The following ZNF207 variants were observed in gnomAD, a reference collection of about 807,000 sequenced individuals.
ZNF207 encodes BUB3-interacting and GLEBS motif-containing protein ZNF207.
A neutral mutation model predicts 60.2 loss-of-function variants in ZNF207; 24 were observed. The observed-to-expected ratio is 0.40, with a 90% CI of 0.29 to 0.56. The LOEUF (loss-of-function observed/expected upper bound fraction) is 0.56. ZNF207 is among the 20% of genes least tolerant of loss of function. The pLI is 0.49. For synonymous variants in ZNF207, 236 were observed against 194.7 expected, an observed-to-expected ratio of 1.21 and a Z score of -1.77; for missense variants, 452 against 636.6, an observed-to-expected ratio of 0.71 and a Z score of 3.12.
chr17:32,355,855 T>C (rs564370301), intron 2 of ZNF207, among the ~76,000 whole-genome samples: 2 of 152,298 alleles, frequency 1.3e-5, no homozygotes, highest in South Asian at 2.1e-4. Context: ...ACTGGGTTAA[T>C]AAGGTCATTG....
At chr17:32,358,152 A>T (rs1258489699) in intron 2 of ZNF207, among the ~76,000 whole-genome samples, 1 of 152,200 alleles carries the variant, frequency 6.6e-6, no homozygotes, top group African/African-American at 2.4e-5. Flanking sequence ...CCTGATTTGG[A>T]TAGGACTACT....
chr17:32,351,152 A>G (rs185344541), intron 1 of ZNF207: 1 of 159,370 alleles, frequency 6.3e-6, no homozygotes, highest in East Asian at 1.9e-4. Flanking sequence ...GAATTTTGTA[A>G]TGTGATTTTA....
intron 6 of ZNF207, among the ~76,000 whole-genome samples, chr17:32,362,366 T>G (rs1308886494): frequency 2.0e-5 from 3 of 152,174 alleles, no homozygotes; most frequent in African/African-American, 7.2e-5. Flanking sequence ...GTCTCACTTT[T>G]TGCCCAGCCT....
At chr17:32,355,228 C>T (rs1904436995) in intron 2 of ZNF207, among the ~76,000 whole-genome samples, 1 of 152,090 alleles carries the variant, frequency 6.6e-6, no homozygotes, top group African/African-American at 2.4e-5. Context: ...GACCCTGTCT[C>T]TACAAAAAAT....
chr17:32,361,642 A>G, intron 6 of ZNF207, 127 bp downstream of exon 6: 1 of 782,694 alleles, frequency 1.3e-6, no homozygotes, highest in Non-Finnish European at 1.9e-6. Context: ...AAAACTTGCA[A>G]GCTAATTAAC....
chr17:32,357,321 ATTATTATT>A (rs1567815452), intron 2 of ZNF207, among the ~76,000 whole-genome samples: 7 of 50,596 alleles, frequency 1.4e-4, no homozygotes, highest in African/African-American at 1.0e-3. Flanking sequence ...AATTATTATT[ATTATTATT>A]ATTATTATTA....
At position 32,351,915 on chromosome 17, in the gene ZNF207, A is replaced by G. The variant is rs375867936; in HGVS notation, c.168+3A>G. 6.5e-7 allele frequency: 1 copy of G among 1,542,530 alleles called. No individual in the cohort carries two copies. Among genetic ancestry groups the G allele is most frequent in the Non-Finnish European group, 8.7e-7 (1 of 1,142,910 alleles). ...GCTTAGCTATTCATTGCATGCAGGT[A>G]AGGATTTTTCTTCTGTATTTATTGT... is the stretch of plus-strand genomic sequence containing the variant. On this transcript the variant is annotated splice_donor_region_variant and intron_variant, in intron 2 of 11. Coordinates refer to ENST00000394670, the MANE Select transcript of ZNF207 (RefSeq NM_001098507.2).
chr17:32,364,158 C>T (rs543712935), intron 7 of ZNF207, among the ~76,000 whole-genome samples: 1 of 151,512 alleles, frequency 6.6e-6, no homozygotes, highest in African/African-American at 2.4e-5. Flanking sequence ...GAGTGAGCCT[C>T]AGCACCTGGC....
Position 32,379,465 on chromosome 17 carries a change from T to C in ZNF207, c.*9706T>C, listed in dbSNP as rs1274905794. ...CATAAATTATTTCATTTTGGTGAGA[T>C]GGAATAAATGTTTAAAATTAGTATT... On this transcript the variant is annotated 3_prime_UTR_variant, in exon 12 of 12. Transcript: ENST00000394670. 2.0e-5 allele frequency: 3 copies of C among 152,260 alleles called. No homozygotes were observed. In the East Asian group the frequency reaches 5.8e-4, roughly 29 times the overall value. The allele number at this position is 152,260 out of a possible 1,614,324, so 9.4% of individuals were successfully genotyped here.
chr17:32,368,246 A>T lies in ZNF207; in HGVS notation c.1164+232A>T. ...TCTCCCCTTCCTCCAGACTGTTTCT[A>T]AAAGAAGACAGTAAGTCAGGTTCTT... On this transcript the variant is annotated intron_variant, in intron 10 of 11. Transcript: ENST00000394670. The T allele has an allele frequency of 8.9e-6, 5 of 558,874 alleles. 1 individual carries two copies. The highest frequency in any genetic ancestry group is 9.7e-4 in the Middle Eastern group (2 of 2,060). The allele number at this position is 558,874 out of a possible 1,614,324, so 34.6% of individuals were successfully genotyped here.
In ZNF207 at chr17:32,380,386, G is replaced by GT. The variant is rs926154874; in HGVS notation, c.*10634dup. The GT allele has an allele frequency of 2.6e-5, 4 of 152,052 alleles. No homozygotes were observed. Among genetic ancestry groups the GT allele is most frequent in the Non-Finnish European group, 5.9e-5 (4 of 67,994 alleles). The allele number at this position is 152,052 out of a possible 1,614,324, so 9.4% of individuals were successfully genotyped here. A position where few individuals can be genotyped will look rare whatever the true frequency, so the allele number is the denominator to read the frequency against. The stretch of plus-strand genomic sequence containing the variant: ...GGAACATACCTTACTCCTTTGTCTG[G>GT]TTTTTTTATTTTGTATGGTGCTTTA... On this transcript the variant is annotated 3_prime_UTR_variant, in exon 12 of 12. Transcript: ENST00000394670.
rs755275697 is a variant in ZNF207 at position 32,369,317 on chromosome 17, C to G, written c.1187C>G (p.Pro396Arg). The change falls in exon 11 of 12, where the codon CCT (proline) becomes CGT (arginine). Residue 396 changes from proline (P) to arginine (R), a missense_variant. By Grantham distance (103) the Pro-to-Arg change is moderately radical. This residue lies in a region of ZNF207 where 390 missense variants were observed against 461.4 expected (regional missense o/e 0.85). Transcript: ENST00000394670. ...CAGGAAGAGAGAAGGGCACAGTTAC[C>G]TAAGTATCAACGTAATCTTCCTCGG... ...ISLEERRAQL[P>R]KYQRNLPRPG... 4 of 1,614,000 alleles carry G rather than the reference C, an allele frequency of 2.5e-6. No homozygotes were observed. The highest frequency in any genetic ancestry group is 1.7e-5 in the Admixed American group (1 of 60,010).
At chr17:32,351,204 G>GT (rs2041500429) in intron 1 of ZNF207, 1 of 170,224 alleles carries the variant, frequency 5.9e-6, no homozygotes, top group Non-Finnish European at 1.3e-5. Context: ...TTTTATTGAT[G>GT]TAAGAATTCT....
chr17:32,381,522 GTATA>G lies in ZNF207; in HGVS notation c.*11769_*11772del, dbSNP rs1268279038. 6.6e-6 allele frequency: 1 copy of G among 152,212 alleles called. No homozygotes were observed. The highest frequency in any genetic ancestry group is 2.4e-5 in the African/African-American group (1 of 41,464). 9.4% of individuals were successfully genotyped at this position (152,212 alleles called of 1,614,324 possible). ...AAAAATGAAATGGAAGACTACATTT[GTATA>G]TATATCTGTATAATTTTTGTTTACT... is the stretch of plus-strand genomic sequence containing the variant. On this transcript the variant is annotated 3_prime_UTR_variant, in exon 12 of 12. Transcript: ENST00000394670.
rs931251257 is a variant in ZNF207 at position 32,368,128 on chromosome 17, GCTCA to G, written c.1164+117_1164+120del. ...CAGATGGTCTGTGATCTGGTTTAAT[GCTCA>G]CTAAGTGGTTTTTGCCATTCTGATT... On this transcript the variant is annotated intron_variant, in intron 10 of 11. Transcript: ENST00000394670. 145 of 1,437,030 alleles carry G rather than the reference GCTCA, an allele frequency of 1.0e-4. 1 individual carries two copies. In the Middle Eastern group the frequency reaches 1.1e-3, roughly 11 times the overall value. The allele number at this position is 1,437,030 out of a possible 1,614,324, so 89.0% of individuals were successfully genotyped here.
At chr17:32,352,440 A>G (rs1221759130) in intron 2 of ZNF207, among the ~76,000 whole-genome samples, 1 of 152,154 alleles carries the variant, frequency 6.6e-6, no homozygotes, top group Non-Finnish European at 1.5e-5. Context: ...GAGGGTTTGT[A>G]TTTGTATTTA....
chr17:32,351,576 T>C (rs2041508225), intron 1 of ZNF207: 7 of 1,533,800 alleles, frequency 4.6e-6, no homozygotes, highest in Non-Finnish European at 6.1e-6. Flanking sequence ...TTTTTTGGGG[T>C]GGTGAAGAGA....
chr17:32,373,580 T>C lies in ZNF207; in HGVS notation c.*3821T>C. The C allele has an allele frequency of 2.4e-6, 1 of 423,256 alleles. No individual in the cohort carries two copies. Among genetic ancestry groups the C allele is most frequent in the Non-Finnish European group, 4.2e-6 (1 of 238,976 alleles). 26.2% of individuals were successfully genotyped at this position (423,256 alleles called of 1,614,324 possible). On this transcript the variant is annotated 3_prime_UTR_variant, in exon 12 of 12. Coordinates refer to ENST00000394670, the MANE Select transcript of ZNF207 (RefSeq NM_001098507.2). ...AATTTAATTAAACTTAGGATTTTTATACTCTTTTGGCAGAGAAGGCTCTAT... is the reference window on the plus strand; with the variant it reads ...AATTTAATTAAACTTAGGATTTTTACACTCTTTTGGCAGAGAAGGCTCTAT...
Position 32,374,857 on chromosome 17 carries a change from CCT to C in ZNF207, c.*5100_*5101del, listed in dbSNP as rs1905623164. The C allele has an allele frequency of 6.6e-6, 1 of 152,204 alleles. No homozygotes were observed. Among genetic ancestry groups the C allele is most frequent in the African/African-American group, 2.4e-5 (1 of 41,440 alleles). The allele number at this position is 152,204 out of a possible 1,614,324, so 9.4% of individuals were successfully genotyped here. A position where few individuals can be genotyped will look rare whatever the true frequency, so the allele number is the denominator to read the frequency against. Reference sequence around the variant, plus strand: ...TGATTATTTTGAGGTTCATTTTCAGCCTCACTGAACAGTGTTTTACGCACATG... The same window carrying C: ...TGATTATTTTGAGGTTCATTTTCAGCCACTGAACAGTGTTTTACGCACATG... On this transcript the variant is annotated 3_prime_UTR_variant, in exon 12 of 12. Coordinates refer to ENST00000394670, the MANE Select transcript of ZNF207 (RefSeq NM_001098507.2).
Sources: allele counts gnomAD v4.1 joint callset (sites outside exome capture counted in the v4.1 genomes callset), GRCh38; gene constraint gnomAD v4.1.1; regional missense constraint gnomAD v4.1.1; transcripts MANE v1.5; gene names NCBI Gene and HGNC (gene_info 2026-07-23, HGNC 2026-07-21).